Variants in AGK observed in about 807,000 individuals in gnomAD.
AGK encodes acylglycerol kinase, mitochondrial.
AGK carries 52 observed loss-of-function variants against 66.4 expected under a neutral mutation model. That is an observed-to-expected ratio of 0.78 (90% CI 0.63 to 0.99). AGK has a LOEUF of 0.99. Ranked by LOEUF, AGK falls within the 50% of genes least tolerant of loss-of-function variation. The pLI, the probability that AGK is intolerant of heterozygous loss-of-function variation, is 0.00. For missense variants in AGK, 451 were observed against 506.6 expected, an observed-to-expected ratio of 0.89 and a Z score of 1.05; for synonymous variants, 182 against 181.1, an observed-to-expected ratio of 1.00 and a Z score of -0.04.
rs769923575 is a variant in AGK, at chr7:141,593,317, G to T, written c.141+132G>T. On this transcript the variant is annotated intron_variant, in intron 3 of 15. Transcript: ENST00000649286. ...GGCTATTTTTTAGCACTATCAGGAT[G>T]AATCACGCTGGGAGCCAACTCTGAG... 2.6e-5 allele frequency: 22 copies of T among 830,192 alleles called. No individual in the cohort carries two copies. The East Asian group carries it at 5.0e-4, about 19-fold the overall frequency. 51.4% of individuals were successfully genotyped at this position (830,192 alleles called of 1,614,324 possible).
At chr7:141,620,184 G>C (rs1796793773) in intron 8 of AGK, among the ~76,000 whole-genome samples, 1 of 152,156 alleles carries the variant, frequency 6.6e-6, no homozygotes, top group Admixed American at 6.5e-5. Flanking sequence ...GCAGGCAGTG[G>C]GTTGGCTGCA....
intron 8 of AGK, chr7:141,615,867 A>G (rs1273292843): frequency 3.6e-6 from 1 of 279,910 alleles, no homozygotes; most frequent in Admixed American, 5.0e-5. Context: ...AAGATTCTTT[A>G]GTGAAGACAT....
At chr7:141,650,125 G>A (rs1298100886) in intron 14 of AGK, among the ~76,000 whole-genome samples, 1 of 152,214 alleles carries the variant, frequency 6.6e-6, no homozygotes, top group Non-Finnish European at 1.5e-5. Flanking sequence ...ACACATTTCT[G>A]CTGCAGCGGC....
intron 13 of AGK, among the ~76,000 whole-genome samples, chr7:141,643,387 T>C (rs1282182245): frequency 6.6e-6 from 1 of 152,188 alleles, no homozygotes; most frequent in East Asian, 1.9e-4. Flanking sequence ...AAAATCTAAG[T>C]GATTATCAGT....
At chr7:141,551,959 C>A (rs1262498494) in intron 1 of AGK, among the ~76,000 whole-genome samples, 1 of 152,126 alleles carries the variant, frequency 6.6e-6, no homozygotes, top group African/African-American at 2.4e-5. Context: ...TCTCCTAAAC[C>A]GCACTACTTT....
At chr7:141,560,048 C>T (rs528362908) in intron 2 of AGK, among the ~76,000 whole-genome samples, 24 of 151,878 alleles carry the variant, frequency 1.6e-4, no homozygotes, top group Admixed American at 6.6e-4. Flanking sequence ...TTTACTTCTT[C>T]CTTTCCAGTT....
Position 141,558,007 on chromosome 7 carries a change from C to T in AGK, c.101+2440C>T, listed in dbSNP as rs141147123. On this transcript the variant is annotated intron_variant, in intron 2 of 15. Transcript: ENST00000649286. Reference sequence around the variant, plus strand: ...CCATTGAACAACTGCCCATTCCCGCCCCAACCCAGCTGTCCTTGACAACCA... The same window carrying T: ...CCATTGAACAACTGCCCATTCCCGCTCCAACCCAGCTGTCCTTGACAACCA... Among the ~76,000 whole-genome samples, 763 of 152,256 alleles carry T rather than the reference C, an allele frequency of 5.0e-3. 9 individuals are homozygous for T. The highest frequency in any genetic ancestry group is 0.017 in the African/African-American group (721 of 41,548).
chr7:141,628,765 C>T (rs1796995375), intron 9 of AGK, among the ~76,000 whole-genome samples: 1 of 152,122 alleles, frequency 6.6e-6, no homozygotes, highest in Non-Finnish European at 1.5e-5. Flanking sequence ...TTTTCTTTCT[C>T]ATAGTCTGTT....
chr7:141,649,455 G>A (rs1797499821), intron 14 of AGK, 122 bp downstream of exon 14: 2 of 751,812 alleles, frequency 2.7e-6, no homozygotes, highest in Middle Eastern at 2.4e-4. Context: ...TGGGAATTTC[G>A]ATGTTATTTC....
intron 2 of AGK, among the ~76,000 whole-genome samples, chr7:141,583,236 A>T (rs1795918846): frequency 6.6e-6 from 1 of 151,962 alleles, no homozygotes; most frequent in Admixed American, 6.5e-5. Context: ...TGAGTTGAAG[A>T]CGTTTTAAGT....
chr7:141,632,427 C>G (rs1186585410), intron 9 of AGK, among the ~76,000 whole-genome samples: 2 of 152,152 alleles, frequency 1.3e-5, no homozygotes, highest in African/African-American at 2.4e-5. Flanking sequence ...CCTGTGCTGG[C>G]TGTCTTATGG....
chr7:141,567,433 A>AT (rs1185561959), intron 2 of AGK, among the ~76,000 whole-genome samples: 1 of 151,454 alleles, frequency 6.6e-6, no homozygotes, highest in South Asian at 2.1e-4. Context: ...TGTATTTATA[A>AT]TTTTTTTTCT....
In AGK at chr7:141,643,600, A is replaced by G. The variant is rs149991824; in HGVS notation, c.975+1692A>G. Among the ~76,000 whole-genome samples, 25 of 152,300 alleles carry G rather than the reference A, an allele frequency of 1.6e-4. No homozygotes were observed. In the East Asian group the frequency reaches 4.6e-3, roughly 28 times the overall value. On this transcript the variant is annotated intron_variant, in intron 13 of 15. Transcript: ENST00000649286. ...TAAAGCAATGAGAAATGGGCAAAGG[A>G]CTAATATAAAAAGTGAGCAAGGGGT...
At chr7:141,591,768 A>G (rs1796126662) in intron 2 of AGK, among the ~76,000 whole-genome samples, 1 of 152,212 alleles carries the variant, frequency 6.6e-6, no homozygotes, top group Non-Finnish European at 1.5e-5. Context: ...ACTTTTGTTA[A>G]CCACATTGAA....
Position 141,560,948 on chromosome 7 carries a change from C to T in AGK, c.101+5381C>T, listed in dbSNP as rs181506706. On this transcript the variant is annotated intron_variant, in intron 2 of 15. Transcript: ENST00000649286. ...AGCTGGGACTACAGGTGCCTGCCAC[C>T]GCACCCAGCTAATTTTTTGTATTTT... is the stretch of plus-strand genomic sequence containing the variant. Among the ~76,000 whole-genome samples, 584 of 152,174 alleles carry T rather than the reference C, an allele frequency of 3.8e-3. 4 individuals are homozygous for T. The highest frequency in any genetic ancestry group is 0.027 in the Middle Eastern group (8 of 294).
At chr7:141,560,882 C>CGCCT (rs1444251839) in intron 2 of AGK, among the ~76,000 whole-genome samples, 1 of 151,456 alleles carries the variant, frequency 6.6e-6, no homozygotes, top group African/African-American at 2.4e-5. Context: ...CTGCAAGCTC[C>CGCCT]GCCTCCCGGC....
At chr7:141,567,292 A>G (rs1023666900) in intron 2 of AGK, among the ~76,000 whole-genome samples, 1 of 152,046 alleles carries the variant, frequency 6.6e-6, no homozygotes, top group Non-Finnish European at 1.5e-5. Context: ...GAAAACAAAT[A>G]TTTTTTGGTA....
intron 8 of AGK, among the ~76,000 whole-genome samples, chr7:141,616,885 G>A (rs1371602276): frequency 6.6e-6 from 1 of 151,628 alleles, no homozygotes; most frequent in Admixed American, 6.6e-5. Context: ...CAGCCTCCGA[G>A]TAGCTGGGAC....
At chr7:141,644,807 A>G (rs1157953348) in intron 13 of AGK, among the ~76,000 whole-genome samples, 2 of 152,144 alleles carry the variant, frequency 1.3e-5, no homozygotes, top group African/African-American at 4.8e-5. Flanking sequence ...CTTTCCAAAT[A>G]GAAAGCCAGT....
Sources: allele counts gnomAD v4.1 joint callset (sites outside exome capture counted in the v4.1 genomes callset), GRCh38; gene constraint gnomAD v4.1.1; transcripts MANE v1.5; gene names NCBI Gene and HGNC (gene_info 2026-07-23, HGNC 2026-07-21).